CADM2: variants seen among roughly 807,000 people sequenced by gnomAD.
The protein encoded by CADM2 is cell adhesion molecule 2, also known as immunoglobulin superfamily member 4D.
Under a neutral mutation model 49.8 loss-of-function variants are expected in CADM2, and 12 were observed. The observed-to-expected ratio is 0.24, with a 90% CI of 0.15 to 0.39. CADM2 has a LOEUF of 0.39. Ranked by LOEUF, CADM2 falls within the 10% of genes least tolerant of loss-of-function variation. The probability of loss-of-function intolerance (pLI) is 1.00; values close to 1 mark genes in which losing one functional copy is unlikely to be tolerated. For missense variants in CADM2, 378 were observed against 492.3 expected (o/e 0.77, Z 2.20); for synonymous variants, 214 against 175.4 (o/e 1.22, Z -1.74).
At chr3:85,787,755 G>A (rs1198651766) in intron 2 of CADM2, among the ~76,000 whole-genome samples, 1 of 152,088 alleles carries the variant, frequency 6.6e-6, no homozygotes, top group African/African-American at 2.4e-5. Flanking sequence ...TTCTTTCAAT[G>A]TCTTGCCGTT....
intron 1 of CADM2, among the ~76,000 whole-genome samples, chr3:85,307,828 A>T (rs564486662): frequency 1.3e-5 from 2 of 151,810 alleles, no homozygotes; most frequent in East Asian, 3.9e-4. Context: ...AGATACAAAT[A>T]TATTGTTATT....
At chr3:85,202,778 A>C (rs1351505056) in intron 1 of CADM2, among the ~76,000 whole-genome samples, 1 of 152,224 alleles carries the variant, frequency 6.6e-6, no homozygotes, top group East Asian at 1.9e-4. Flanking sequence ...TGGCACCTTC[A>C]TCCAAAATAA....
chr3:85,859,522 G>A (rs1027118650), intron 3 of CADM2, among the ~76,000 whole-genome samples: 1 of 152,082 alleles, frequency 6.6e-6, no homozygotes, highest in African/African-American at 2.4e-5. Flanking sequence ...ATGAGCCACT[G>A]TGCCTGGCCC....
At chr3:85,767,741 G>T (rs530529191) in intron 2 of CADM2, among the ~76,000 whole-genome samples, 2 of 152,104 alleles carry the variant, frequency 1.3e-5, no homozygotes, top group East Asian at 1.9e-4. Flanking sequence ...AAAACAAAGG[G>T]TCTGGCCACA....
intron 1 of CADM2, among the ~76,000 whole-genome samples, chr3:85,295,880 A>C (rs576246307): frequency 5.0e-4 from 76 of 152,142 alleles, no homozygotes; most frequent in South Asian, 1.7e-3. Context: ...ATACATATGT[A>C]ACTAACCTGC....
intron 1 of CADM2, among the ~76,000 whole-genome samples, chr3:85,608,326 C>T (rs1460813105): frequency 6.6e-6 from 1 of 152,070 alleles, no homozygotes; most frequent in Non-Finnish European, 1.5e-5. Context: ...AATTAAGTCG[C>T]TATGGGTAGA....
intron 8 of CADM2, among the ~76,000 whole-genome samples, chr3:86,035,348 C>A (rs755098542): frequency 8.6e-5 from 13 of 151,952 alleles, no homozygotes; most frequent in Non-Finnish European, 1.6e-4. Context: ...AGAAATATTT[C>A]TTGATCTTTG....
intron 8 of CADM2, among the ~76,000 whole-genome samples, chr3:86,001,234 G>C (rs1303166805): frequency 6.6e-6 from 1 of 152,080 alleles, no homozygotes; most frequent in Non-Finnish European, 1.5e-5. Context: ...TGTTGAGTTC[G>C]TTGGGTATTT....
At chr3:85,364,810 C>T (rs146761164) in intron 1 of CADM2, among the ~76,000 whole-genome samples, 3 of 152,120 alleles carry the variant, frequency 2.0e-5, no homozygotes, top group East Asian at 3.9e-4. Flanking sequence ...CAGGAAACGA[C>T]GCCAAGGAAC....
At chr3:85,161,614 G>A (rs547182781) in intron 1 of CADM2, among the ~76,000 whole-genome samples, 153 of 152,220 alleles carry the variant, frequency 1.0e-3, no homozygotes, top group African/African-American at 3.4e-3. Context: ...CCTGGGAATG[G>A]GATGTATTTA....
rs142636496 is a variant in CADM2, at chr3:85,628,864, C to T, written c.62-97658C>T. ...ATTTTTTTGTTTCTTTGACTCTTAT[C>T]GTTTTTCTTTAATATTCTTAAAATT... On this transcript the variant is annotated intron_variant, in intron 1 of 9. Transcript: ENST00000383699. 1.9e-3 allele frequency among the ~76,000 whole-genome samples: 282 copies of T among 150,666 alleles called. 5 individuals are homozygous for T. The highest frequency in any genetic ancestry group is 0.015 in the Admixed American group (230 of 15,044).
At chr3:85,921,364 A>T (rs1719087722) in intron 6 of CADM2, among the ~76,000 whole-genome samples, 1 of 151,992 alleles carries the variant, frequency 6.6e-6, no homozygotes, top group Non-Finnish European at 1.5e-5. Context: ...AGAAAAACGT[A>T]TAGTTAGAAA....
chr3:85,593,062 T>G (rs1347186353), intron 1 of CADM2, among the ~76,000 whole-genome samples: 1 of 152,038 alleles, frequency 6.6e-6, no homozygotes, highest in East Asian at 1.9e-4. Context: ...TTCCTGCATT[T>G]CGGTTGCTAT....
At chr3:85,073,797 C>A (rs545712263) in intron 1 of CADM2, among the ~76,000 whole-genome samples, 45 of 152,092 alleles carry the variant, frequency 3.0e-4, no homozygotes, top group Non-Finnish European at 5.7e-4. Flanking sequence ...ACTGACAGCA[C>A]CTCTCAATTT....
chr3:85,611,142 C>G (rs912585018), intron 1 of CADM2, among the ~76,000 whole-genome samples: 2 of 151,880 alleles, frequency 1.3e-5, no homozygotes, highest in Non-Finnish European at 2.9e-5. Flanking sequence ...AGAAAAGTCT[C>G]ATGCACAATG....
At chr3:85,063,497 A>G (rs762651664) in intron 1 of CADM2, among the ~76,000 whole-genome samples, 1 of 152,062 alleles carries the variant, frequency 6.6e-6, no homozygotes, top group Non-Finnish European at 1.5e-5. Context: ...AAATCTTACT[A>G]TCAAACTTGT....
intron 1 of CADM2, among the ~76,000 whole-genome samples, chr3:85,374,657 G>T (rs2033479325): frequency 6.6e-6 from 1 of 152,192 alleles, no homozygotes; most frequent in Non-Finnish European, 1.5e-5. Flanking sequence ...AGTTTCACAT[G>T]ACTGGGGAGG....
At chr3:85,643,664 C>T (rs2064797087) in intron 1 of CADM2, among the ~76,000 whole-genome samples, 1 of 152,120 alleles carries the variant, frequency 6.6e-6, no homozygotes, top group East Asian at 1.9e-4. Context: ...ATTGTCTAAA[C>T]CTGACAATAC....
At chr3:85,338,567 C>T (rs2045153725) in intron 1 of CADM2, among the ~76,000 whole-genome samples, 1 of 151,400 alleles carries the variant, frequency 6.6e-6, no homozygotes, top group Non-Finnish European at 1.5e-5. Flanking sequence ...TTCTTGAAGT[C>T]AGTAAAAACC....
Sources: allele counts gnomAD v4.1 joint callset (sites outside exome capture counted in the v4.1 genomes callset), GRCh38; gene constraint gnomAD v4.1.1; transcripts MANE v1.5; gene names NCBI Gene and HGNC (gene_info 2026-07-23, HGNC 2026-07-21).